Variants in RBFOX2 observed in about 807,000 individuals in gnomAD.
RBFOX2 encodes RNA binding protein fox-1 homolog 2.
Under a neutral mutation model 49.1 loss-of-function variants are expected in RBFOX2, and 10 were observed. The ratio of observed to expected loss-of-function variants is 0.20; its 90% CI spans 0.13 to 0.35. The LOEUF (loss-of-function observed/expected upper bound fraction) is 0.35. RBFOX2 is among the 10% of genes least tolerant of loss of function. The pLI, the probability that RBFOX2 is intolerant of heterozygous loss-of-function variation, is 1.00. For missense variants in RBFOX2, 323 were observed against 486.9 expected (o/e 0.66, Z 3.17); for synonymous variants, 183 against 187.4 (o/e 0.98, Z 0.19).
intron 1 of RBFOX2, among the ~76,000 whole-genome samples, chr22:35,876,752 G>T (rs987551045): frequency 6.9e-6 from 1 of 145,168 alleles, no homozygotes; most frequent in African/African-American, 2.6e-5. Flanking sequence ...ATTTATAAAT[G>T]ATGGCTGTGT....
chr22:35,862,837 G>C (rs2043249908), intron 1 of RBFOX2, among the ~76,000 whole-genome samples: 1 of 152,180 alleles, frequency 6.6e-6, no homozygotes, highest in South Asian at 2.1e-4. Flanking sequence ...TCATGGGGCT[G>C]CTGTGATGAC....
intron 1 of RBFOX2, among the ~76,000 whole-genome samples, chr22:35,914,973 A>G (rs2050244259): frequency 6.6e-6 from 1 of 152,198 alleles, no homozygotes; most frequent in Admixed American, 6.5e-5. Flanking sequence ...CTCTAGCACA[A>G]AATTAGTACC....
intron 9 of RBFOX2, among the ~76,000 whole-genome samples, chr22:35,751,573 C>T (rs1020770944): frequency 1.3e-5 from 2 of 152,134 alleles, no homozygotes; most frequent in African/African-American, 4.8e-5. Flanking sequence ...ACCACCTCCC[C>T]ACCCCTGCTA....
intron 1 of RBFOX2, among the ~76,000 whole-genome samples, chr22:36,013,570 G>A (rs1460460867): frequency 6.6e-6 from 1 of 151,648 alleles, no homozygotes; most frequent in African/African-American, 2.4e-5. Flanking sequence ...TGTCTGCAAG[G>A]CCATTCTATT....
At chr22:35,821,874 T>C in intron 1 of RBFOX2, 1 of 518,958 alleles carries the variant, frequency 1.9e-6, no homozygotes, top group Non-Finnish European at 3.8e-6. Flanking sequence ...ACTGTTTGTA[T>C]GGCAAACTTT....
intron 1 of RBFOX2, among the ~76,000 whole-genome samples, chr22:35,830,964 T>G (rs1375400847): frequency 6.6e-6 from 1 of 152,150 alleles, no homozygotes; most frequent in Non-Finnish European, 1.5e-5. Context: ...CATGACCTGC[T>G]AGAACCACTC....
intron 1 of RBFOX2, among the ~76,000 whole-genome samples, chr22:35,810,934 AAAAATATATC>A (rs1951753298): frequency 6.6e-6 from 1 of 152,222 alleles, no homozygotes; most frequent in South Asian, 2.1e-4. Flanking sequence ...GAGAATGACA[AAAAATATATC>A]ATCAATAAGG....
intron 1 of RBFOX2, among the ~76,000 whole-genome samples, chr22:36,014,533 G>A (rs1422820826): frequency 6.6e-6 from 1 of 151,934 alleles, no homozygotes; most frequent in East Asian, 1.9e-4. Flanking sequence ...TTAAGCTCGG[G>A]GATACCAAAG....
chr22:35,960,204 CACTG>C (rs1462293535), intron 1 of RBFOX2, among the ~76,000 whole-genome samples: 1 of 152,144 alleles, frequency 6.6e-6, no homozygotes. Flanking sequence ...TCACAGCAAG[CACTG>C]ACTGAGAACA....
intron 1 of RBFOX2, among the ~76,000 whole-genome samples, chr22:35,854,425 C>T (rs1317250931): frequency 3.3e-5 from 5 of 151,724 alleles, no homozygotes; most frequent in East Asian, 1.9e-4. Context: ...CCTATAGCCC[C>T]GCCCCAAAAA....
At chr22:35,767,079 A>T (rs1438957964) in intron 5 of RBFOX2, among the ~76,000 whole-genome samples, 1 of 152,128 alleles carries the variant, frequency 6.6e-6, no homozygotes, top group African/African-American at 2.4e-5. Flanking sequence ...AACCAGCCAA[A>T]CTGGAGTTCA....
chr22:35,884,331 A>G (rs1324944438), intron 1 of RBFOX2, among the ~76,000 whole-genome samples: 3 of 152,258 alleles, frequency 2.0e-5, no homozygotes, highest in African/African-American at 7.2e-5. Flanking sequence ...TTCATTTTCA[A>G]TCACAGTAGC....
intron 1 of RBFOX2, among the ~76,000 whole-genome samples, chr22:35,956,582 G>A (rs1421731867): frequency 4.6e-5 from 7 of 151,920 alleles, no homozygotes; most frequent in African/African-American, 1.5e-4. Context: ...GGATGGTCTC[G>A]ATCTCCTGAC....
chr22:35,858,751 G>A (rs185545156), intron 1 of RBFOX2, among the ~76,000 whole-genome samples: 67 of 151,330 alleles, frequency 4.4e-4, no homozygotes, highest in African/African-American at 1.5e-3. Context: ...GCTTGAACCC[G>A]GGAGGCGGAG....
intron 1 of RBFOX2, among the ~76,000 whole-genome samples, chr22:35,902,417 T>G (rs1377086543): frequency 6.6e-6 from 1 of 152,174 alleles, no homozygotes; most frequent in Admixed American, 6.5e-5. Flanking sequence ...CTAGTGCCTA[T>G]GCCCAATCAG....
intron 1 of RBFOX2, among the ~76,000 whole-genome samples, chr22:35,857,354 C>G (rs1445450339): frequency 1.3e-5 from 2 of 152,128 alleles, no homozygotes; most frequent in Non-Finnish European, 2.9e-5. Context: ...GCAAAAAATA[C>G]ATATTAGCAG....
chr22:35,857,610 T>A (rs891604261), intron 1 of RBFOX2, among the ~76,000 whole-genome samples: 4 of 152,078 alleles, frequency 2.6e-5, no homozygotes, highest in Non-Finnish European at 5.9e-5. Flanking sequence ...GACACGAAGA[T>A]CAAAGAGAAA....
intron 1 of RBFOX2, among the ~76,000 whole-genome samples, chr22:35,980,856 T>C (rs936130163): frequency 2.6e-5 from 4 of 152,196 alleles, no homozygotes; most frequent in Non-Finnish European, 4.4e-5. Flanking sequence ...AAAGGCTTCC[T>C]TGAAAACAAA....
chr22:35,780,433 C>T (rs1436803524), intron 3 of RBFOX2, among the ~76,000 whole-genome samples: 1 of 151,322 alleles, frequency 6.6e-6, no homozygotes, highest in East Asian at 1.9e-4. Flanking sequence ...ATTCAAAAAG[C>T]AATAACAAGC....
Sources: gnomAD v4.1 joint callset for allele counts (sites outside exome capture counted in the v4.1 genomes callset) on GRCh38, gnomAD v4.1.1 for gene constraint, MANE v1.5 for transcripts, NCBI Gene and HGNC (gene_info 2026-07-23, HGNC 2026-07-21) for gene names.